Variants in MCF2L observed in about 807,000 individuals in gnomAD.
MCF2L encodes the protein guanine nucleotide exchange factor DBS.
A neutral mutation model predicts 153.4 loss-of-function variants in MCF2L; 97 were observed. The ratio of observed to expected loss-of-function variants is 0.63; its 90% confidence interval spans 0.54 to 0.75. The LOEUF (loss-of-function observed/expected upper bound fraction) is 0.75. Ranked by LOEUF, MCF2L falls within the 30% of genes least tolerant of loss-of-function variation. The pLI, the probability that MCF2L is intolerant of heterozygous loss-of-function variation, is 0.00. For synonymous variants in MCF2L, 659 were observed against 632.2 expected, an observed-to-expected ratio of 1.04 and a Z score of -0.64; for missense variants, 1,347 against 1,495.2, an observed-to-expected ratio of 0.90 and a Z score of 1.64.
chr13:112,995,802 G>A (rs375544410), intron 1 of MCF2L, among the ~76,000 whole-genome samples: 3 of 152,174 alleles, frequency 2.0e-5, no homozygotes, highest in African/African-American at 7.2e-5. Flanking sequence ...CATGAGAAGG[G>A]TGGGATCTGG....
chr13:113,016,333 G>A (rs9549636), intron 2 of MCF2L, among the ~76,000 whole-genome samples: 42,005 of 152,054 alleles, frequency 0.28, 6,331 homozygotes, highest in South Asian at 0.45. Flanking sequence ...GGCAGAGGCC[G>A]CCTGACCAGG....
At position 113,005,700 on chromosome 13, in the gene MCF2L, C is replaced by G. The variant is rs375312088; in HGVS notation, c.80-9063C>G. Reference sequence around the variant, plus strand: ...ACTGTGGTTAACGCTGTATTTGTACCTGAGGTTTGCTGGGAGTGGATGTTG... The same window carrying G: ...ACTGTGGTTAACGCTGTATTTGTACGTGAGGTTTGCTGGGAGTGGATGTTG... On this transcript the variant is annotated intron_variant, in intron 1 of 29. Transcript: ENST00000535094. 3.7e-4 allele frequency among the ~76,000 whole-genome samples: 56 copies of G among 152,194 alleles called. 1 individual carries two copies. Among genetic ancestry groups the G allele is most frequent in the African/African-American group, 1.3e-3 (52 of 41,510 alleles).
chr13:112,920,767 A>C (rs987835095), intron 2 of MCF2L, among the ~76,000 whole-genome samples: 5 of 152,006 alleles, frequency 3.3e-5, no homozygotes, highest in Admixed American at 6.6e-5. Flanking sequence ...CCAGGTGGAC[A>C]GGATTCAGAA....
At chr13:112,985,121 T>C in intron 1 of MCF2L, 1 of 286,962 alleles carries the variant, frequency 3.5e-6, no homozygotes, top group Non-Finnish European at 7.0e-6. Flanking sequence ...TTGTTCCTTT[T>C]TCCTCAAGTT....
intron 2 of MCF2L, among the ~76,000 whole-genome samples, chr13:113,019,774 G>T (rs1242275272): frequency 6.6e-6 from 1 of 152,202 alleles, no homozygotes; most frequent in Non-Finnish European, 1.5e-5. Context: ...TCCCAGGTGG[G>T]ATCAGAGCCT....
At chr13:113,016,503 C>T (rs571144925) in intron 2 of MCF2L, among the ~76,000 whole-genome samples, 2 of 152,278 alleles carry the variant, frequency 1.3e-5, no homozygotes, top group Non-Finnish European at 2.9e-5. Context: ...AGCAGAGACC[C>T]GCAAGCTGAT....
intron 1 of MCF2L, among the ~76,000 whole-genome samples, chr13:112,996,776 C>G (rs1429708880): frequency 6.6e-6 from 1 of 152,238 alleles, no homozygotes; most frequent in Non-Finnish European, 1.5e-5. Context: ...CGCCCCTCCT[C>G]TCTCCTGAGT....
chr13:113,064,738 C>T lies in MCF2L; in HGVS notation c.607-198C>T, dbSNP rs1041483699. 179 of 622,174 alleles carry T rather than the reference C, an allele frequency of 2.9e-4. No homozygotes were observed. The highest frequency in any genetic ancestry group is 2.4e-3 in the South Asian group (122 of 49,968). 38.5% of individuals were successfully genotyped at this position (622,174 alleles called of 1,614,324 possible). A position where few individuals can be genotyped will look rare whatever the true frequency, so the allele number is the denominator to read the frequency against. On this transcript the variant is annotated intron_variant, in intron 6 of 29. Transcript: ENST00000535094. The surrounding 1 kb of genome is among the most constrained non-coding windows in gnomAD (Gnocchi z 6.0). The stretch of plus-strand genomic sequence containing the variant: ...CAGGCGACTCTAGGTGACGGGCACA[C>T]GTGTAGAGTGTGCCTGGTATGTTTC...
chr13:113,048,437 C>CT (rs35857164), intron 4 of MCF2L, among the ~76,000 whole-genome samples: 46,093 of 104,528 alleles, frequency 0.44, 11,296 homozygotes, highest in Middle Eastern at 0.58. Flanking sequence ...AATTTACGGT[C>CT]TTTTTTTTTT....
At chr13:112,942,376 T>C (rs527641966) in intron 2 of MCF2L, among the ~76,000 whole-genome samples, 123 of 152,182 alleles carry the variant, frequency 8.1e-4, no homozygotes, top group Non-Finnish European at 1.4e-3. Flanking sequence ...CACATGACCT[T>C]ACCTATCATT....
At chr13:112,895,892 T>C (rs74115706) in intron 1 of MCF2L, among the ~76,000 whole-genome samples, 9,465 of 151,890 alleles carry the variant, frequency 0.062, 695 homozygotes, top group African/African-American at 0.18. Flanking sequence ...CCGGGCTGTG[T>C]AGGGGCCCAG....
intron 2 of MCF2L, among the ~76,000 whole-genome samples, chr13:112,935,605 C>T (rs1371313114): frequency 2.0e-5 from 3 of 152,162 alleles, no homozygotes; most frequent in African/African-American, 2.4e-5. Flanking sequence ...TTTGCCCAAC[C>T]GTAGCCTCAC....
chr13:112,933,128 G>GCCTTCTGGGGGGCCC (rs2081480612), intron 2 of MCF2L, among the ~76,000 whole-genome samples: 1 of 152,144 alleles, frequency 6.6e-6, no homozygotes, highest in Non-Finnish European at 1.5e-5. Flanking sequence ...GTGCTGGGCC[G>GCCTTCTGGGGGGCCC]ACAGCCTTCT....
intron 4 of MCF2L, chr13:113,047,287 T>G (rs1307123200): frequency 6.6e-6 from 1 of 152,238 alleles, no homozygotes; most frequent in East Asian, 1.9e-4. Context: ...CCCATCCATA[T>G]CAAGCATCCC....
intron 1 of MCF2L, among the ~76,000 whole-genome samples, chr13:112,899,933 A>G (rs907357370): frequency 6.6e-6 from 1 of 152,150 alleles, no homozygotes; most frequent in African/African-American, 2.4e-5. Flanking sequence ...CATAGTGGAG[A>G]GAAACAGCGG....
chr13:112,912,756 CTGTG>C (rs1014206956), intron 2 of MCF2L, among the ~76,000 whole-genome samples: 270 of 151,760 alleles, frequency 1.8e-3, no homozygotes, highest in African/African-American at 6.4e-3. Context: ...CTTTGTGTGG[CTGTG>C]TGTGTGTCAC....
rs1460634984 is a variant in MCF2L, at chr13:112,932,009, A to G, written c.169+29638A>G. Among the ~76,000 whole-genome samples, 1 of 152,246 alleles carries G rather than the reference A, an allele frequency of 6.6e-6. No individual in the cohort carries two copies. Among genetic ancestry groups the G allele is most frequent in the Non-Finnish European group, 1.5e-5 (1 of 68,050 alleles). On this transcript the variant is annotated intron_variant, in intron 2 of 29. Transcript: ENST00000375608. This position sits in a 1 kb window ranked among gnomAD's most constrained non-coding sequence, Gnocchi z 4.6. ...GACAAGAGATAAGTCTCCCTTGCAG[A>G]AGAATTCCCCATCCTTCATGTAGAT...
At position 113,095,288 on chromosome 13, in the gene MCF2L, C is replaced by A. The variant is rs2035553831; in HGVS notation, c.3075+653C>A. On this transcript the variant is annotated intron_variant, in intron 27 of 29. Transcript: ENST00000535094. ...GGCTGGAGGTGCAAAGGGGACAGGT[C>A]CCGGAGGCTCTGGAAGGGCAGAGAA... 2.5e-6 allele frequency: 3 copies of A among 1,181,540 alleles called. No individual in the cohort carries two copies. The Admixed American group carries it at 1.2e-4, about 46-fold the overall frequency. 73.2% of individuals were successfully genotyped at this position (1,181,540 alleles called of 1,614,324 possible).
At chr13:113,079,583 G>T (rs530068553) in intron 15 of MCF2L, among the ~76,000 whole-genome samples, 2 of 152,332 alleles carry the variant, frequency 1.3e-5, no homozygotes, top group East Asian at 3.9e-4. Flanking sequence ...CGCAGGCAGC[G>T]CCAGTGTGAC....
Sources: gnomAD v4.1 joint callset for allele counts (sites outside exome capture counted in the v4.1 genomes callset) on GRCh38, gnomAD v4.1.1 for gene constraint, Gnocchi (gnomAD v3.1) non-coding constraint, MANE v1.5 for transcripts, NCBI Gene and HGNC (gene_info 2026-07-23, HGNC 2026-07-21) for gene names.